CELF2: variants seen among roughly 807,000 people sequenced by gnomAD.
CELF2 encodes CUG triplet repeat RNA-binding protein 2.
Under a neutral mutation model 62.6 loss-of-function variants are expected in CELF2, and 8 were observed. That is an observed-to-expected ratio of 0.13 (90% CI 0.07 to 0.23). The LOEUF is 0.23. CELF2 is among the 10% of genes least tolerant of loss of function. The probability of loss-of-function intolerance (pLI) is 1.00; values close to 1 mark genes in which losing one functional copy is unlikely to be tolerated. For synonymous variants in CELF2, 258 were observed against 250.0 expected, an observed-to-expected ratio of 1.03 and a Z score of -0.30; for missense variants, 333 against 671.0, an observed-to-expected ratio of 0.50 and a Z score of 5.56.
the CELF2 span, among the ~76,000 whole-genome samples, chr10:10,606,010 A>C: frequency 1.3e-5 from 2 of 152,278 alleles, no homozygotes; most frequent in South Asian, 4.1e-4. Flanking sequence ...TACAACCCTG[A>C]ATGTGACTCA....
chr10:11,021,935 G>A (rs369444957), intron 1 of CELF2, among the ~76,000 whole-genome samples: 5 of 152,176 alleles, frequency 3.3e-5, no homozygotes, highest in South Asian at 2.1e-4. Context: ...ATTCCAATTC[G>A]GTTATTCCAT....
At chr10:10,846,161 G>A in intron 1 of CELF2, 1 of 974,710 alleles carries the variant, frequency 1.0e-6, no homozygotes, top group Non-Finnish European at 1.2e-6. Context: ...TTCACAGTAA[G>A]GAATCCATTC....
chr10:10,598,751 CTTT>C, the CELF2 span, among the ~76,000 whole-genome samples: 3,039 of 69,588 alleles, frequency 0.044, 134 homozygotes, highest in African/African-American at 0.14. Context: ...CTTTTTCTTT[CTTT>C]TTTTTTTTTT....
intron 1 of CELF2, among the ~76,000 whole-genome samples, chr10:11,152,463 G>T (rs2063521614): frequency 6.6e-6 from 1 of 152,066 alleles, no homozygotes; most frequent in Non-Finnish European, 1.5e-5. Context: ...CTATAGCAAG[G>T]TGTCAGATAG....
At chr10:10,788,635 G>A in the CELF2 span, among the ~76,000 whole-genome samples, 3 of 151,536 alleles carry the variant, frequency 2.0e-5, no homozygotes, top group African/African-American at 7.3e-5. Flanking sequence ...GCTAATCTTT[G>A]TATTTTTAGT....
chr10:11,041,953 C>T (rs1202436848), intron 1 of CELF2, among the ~76,000 whole-genome samples: 1 of 152,122 alleles, frequency 6.6e-6, no homozygotes, highest in Admixed American at 6.5e-5. Flanking sequence ...GTGAATTGTA[C>T]TAAAATTATA....
the CELF2 span, among the ~76,000 whole-genome samples, chr10:10,511,002 G>T: frequency 1.3e-5 from 2 of 152,256 alleles, no homozygotes; most frequent in Non-Finnish European, 2.9e-5. Flanking sequence ...GGTGGCATCA[G>T]CAGGCTCTGT....
At position 11,005,625 on chromosome 10, in the gene CELF2, A is replaced by G. The variant is rs376231700; in HGVS notation, c.53+185A>G. Among the ~76,000 whole-genome samples the G allele has an allele frequency of 1.1e-4, 17 of 152,320 alleles. No individual in the cohort carries two copies. The South Asian group carries it at 3.3e-3, about 30-fold the overall frequency. On this transcript the variant is annotated intron_variant, in intron 1 of 12. Transcript: ENST00000416382. This position sits in a 1 kb window ranked among gnomAD's most constrained non-coding sequence, Gnocchi z 4.3. Reference sequence around the variant, plus strand: ...GATTGGGAGAAAGAGAGAGCCAGCGAGAGAAAGGCGGAGGACTGCCGTGAA... The same window carrying G: ...GATTGGGAGAAAGAGAGAGCCAGCGGGAGAAAGGCGGAGGACTGCCGTGAA...
chr10:11,286,152 T>C (rs2091239554), intron 8 of CELF2, among the ~76,000 whole-genome samples: 3 of 152,218 alleles, frequency 2.0e-5, no homozygotes, highest in African/African-American at 7.2e-5. Flanking sequence ...TGTGAGGCCT[T>C]GGCCAGGGAC....
the CELF2 span, among the ~76,000 whole-genome samples, chr10:10,726,078 C>A: frequency 2.6e-5 from 4 of 152,166 alleles, no homozygotes; most frequent in Admixed American, 6.5e-5. Context: ...GTTATAGCAG[C>A]TGCAGCCTCA....
chr10:10,562,390 A>T, the CELF2 span, among the ~76,000 whole-genome samples: 1 of 152,264 alleles, frequency 6.6e-6, no homozygotes, highest in East Asian at 1.9e-4. Flanking sequence ...TTGATCATTT[A>T]CTATGATGTC....
At chr10:11,204,659 C>T (rs1267988512) in intron 2 of CELF2, among the ~76,000 whole-genome samples, 3 of 152,234 alleles carry the variant, frequency 2.0e-5, no homozygotes, top group Non-Finnish European at 4.4e-5. Flanking sequence ...CGGCAGTGAT[C>T]TCCTGCGCTT....
chr10:11,004,209 G>A (rs7898201), upstream of CELF2, among the ~76,000 whole-genome samples: 3,796 of 152,174 alleles, frequency 0.025, 162 homozygotes, highest in African/African-American at 0.086. This position sits in a 1 kb window ranked among gnomAD's most constrained non-coding sequence, Gnocchi z 5.0. Context: ...TTGAGTCCAG[G>A]TTATACTGAG....
Position 11,321,495 on chromosome 10 carries a change from A to G in CELF2, c.1294+109A>G. On this transcript the variant is annotated intron_variant, in intron 11 of 12. Coordinates refer to ENST00000633077, the MANE Select transcript of CELF2 (RefSeq NM_001326342.2). This position sits in a 1 kb window ranked among gnomAD's most constrained non-coding sequence, Gnocchi z 6.2. ...GAACTGAACCCATGTCATAACAGAA[A>G]GCAGTTGTTTTGTTATTCATGTTTA... 1 of 871,502 alleles carries G rather than the reference A, an allele frequency of 1.1e-6. No homozygotes were observed. The allele number at this position is 871,502 out of a possible 1,614,324, so 54.0% of individuals were successfully genotyped here.
chr10:10,705,429 C>T, the CELF2 span, among the ~76,000 whole-genome samples: 2 of 149,480 alleles, frequency 1.3e-5, no homozygotes, highest in South Asian at 2.1e-4. Context: ...ACTCTCAGAG[C>T]ATTTGCATTT....
At chr10:10,853,777 C>G (rs1381782727) in intron 1 of CELF2, among the ~76,000 whole-genome samples, 4 of 152,060 alleles carry the variant, frequency 2.6e-5, no homozygotes, top group Non-Finnish European at 4.4e-5. Flanking sequence ...TCACACTAAA[C>G]TACGCACAGT....
At chr10:11,043,895 A>G (rs1159566118) in intron 1 of CELF2, among the ~76,000 whole-genome samples, 2 of 152,274 alleles carry the variant, frequency 1.3e-5, no homozygotes, top group East Asian at 1.9e-4. Context: ...TCCCACAGCC[A>G]CAGACCGCCT....
chr10:11,330,444 T>TTTTTTCCCTAGACA lies in CELF2; in HGVS notation c.*1393_*1406dup, dbSNP rs2095986280. ...CTGTGTAACTTTTTACTCTTCCTTG[T>TTTTTTCCCTAGACA]TTTTTCCCTAGACATCTTCATGCCC... On this transcript the variant is annotated 3_prime_UTR_variant, in exon 13 of 13. Transcript: ENST00000633077. This position sits in a 1 kb window ranked among gnomAD's most constrained non-coding sequence, Gnocchi z 4.5. 1 of 152,510 alleles carries TTTTTTCCCTAGACA rather than the reference T, an allele frequency of 6.6e-6. No individual in the cohort carries two copies. The highest frequency in any genetic ancestry group is 2.1e-4 in the South Asian group (1 of 4,836). The allele number at this position is 152,510 out of a possible 1,614,324, so 9.4% of individuals were successfully genotyped here.
the CELF2 span, among the ~76,000 whole-genome samples, chr10:10,466,722 C>T: frequency 2.0e-5 from 3 of 152,036 alleles, no homozygotes; most frequent in Non-Finnish European, 4.4e-5. Flanking sequence ...TGTGTATTGC[C>T]AGTCTTTTCA....
Sources: gnomAD v4.1 joint callset for allele counts (sites outside exome capture counted in the v4.1 genomes callset) on GRCh38, gnomAD v4.1.1 for gene constraint, Gnocchi (gnomAD v3.1) non-coding constraint, MANE v1.5 for transcripts, NCBI Gene and HGNC (gene_info 2026-07-23, HGNC 2026-07-21) for gene names.